The following PAK2 variants were observed in gnomAD, a reference collection of about 807,000 sequenced individuals.
PAK2 encodes the protein serine/threonine-protein kinase PAK 2.
In PAK2, 21 loss-of-function variants were observed where a neutral mutation model predicts 65.9. The observed-to-expected ratio is 0.32, with a 90% CI of 0.23 to 0.46. The LOEUF is 0.46. Ranked by LOEUF, PAK2 falls within the 20% of genes least tolerant of loss-of-function variation. PAK2 has a pLI of 1.00. For synonymous variants in PAK2, 204 were observed against 219.7 expected (o/e 0.93, Z 0.63); for missense variants, 324 against 642.6 (o/e 0.50, Z 5.36).
chr3:196,760,693 C>G (rs1292968456), intron 1 of PAK2, among the ~76,000 whole-genome samples: 1 of 152,140 alleles, frequency 6.6e-6, no homozygotes, highest in Admixed American at 6.5e-5. Context: ...CATTCTTATG[C>G]TATCCAAATT....
chr3:196,791,882 G>A lies in PAK2; in HGVS notation c.187+9049G>A, dbSNP rs577256237. Among the ~76,000 whole-genome samples the A allele has an allele frequency of 8.6e-5, 13 of 150,344 alleles. No homozygotes were observed. Among genetic ancestry groups the A allele is most frequent in the African/African-American group, 3.2e-4 (13 of 40,870 alleles). On this transcript the variant is annotated intron_variant, in intron 2 of 14. Transcript: ENST00000327134. This position sits in a 1 kb window ranked among gnomAD's most constrained non-coding sequence, Gnocchi z 4.0. ...GAGCTTGCAGTGGAGCTGTGATCGC[G>A]CCACCGCACTCCAACCTGGGCGACA...
Position 196,772,342 on chromosome 3 carries a change from A to G in PAK2, c.-21-10284A>G, listed in dbSNP as rs560802710. 3.9e-5 allele frequency among the ~76,000 whole-genome samples: 6 copies of G among 152,290 alleles called. No individual in the cohort carries two copies. The East Asian group carries it at 1.2e-3, about 29-fold the overall frequency. Reference sequence around the variant, plus strand: ...TCTGGGGTTTAGTCAGAATCCCTCGAGAATAAGTAGATTAGTAAATTGCTT... The same window carrying G: ...TCTGGGGTTTAGTCAGAATCCCTCGGGAATAAGTAGATTAGTAAATTGCTT... On this transcript the variant is annotated intron_variant, in intron 1 of 14. Coordinates refer to ENST00000327134, the MANE Select transcript of PAK2 (RefSeq NM_002577.4).
chr3:196,824,961 C>G (rs2108776302), intron 13 of PAK2, among the ~76,000 whole-genome samples: 1 of 152,244 alleles, frequency 6.6e-6, no homozygotes. Context: ...AATAATAAAA[C>G]TCCACATTGG....
intron 10 of PAK2, among the ~76,000 whole-genome samples, chr3:196,813,225 AT>A (rs949077233): frequency 1.2e-4 from 19 of 152,270 alleles, no homozygotes; most frequent in African/African-American, 4.6e-4. Flanking sequence ...TCATGGACAA[AT>A]TTATATGTCT....
At chr3:196,773,716 A>G (rs1014928242) in intron 1 of PAK2, among the ~76,000 whole-genome samples, 5 of 152,086 alleles carry the variant, frequency 3.3e-5, no homozygotes, top group African/African-American at 9.7e-5. Context: ...TCTCTACTCA[A>G]AAATACAAAA....
Position 196,804,806 on chromosome 3 carries a change from GATAT to G in PAK2, c.437-530_437-527del, listed in dbSNP as rs371990910. On this transcript the variant is annotated intron_variant, in intron 4 of 14. Coordinates refer to ENST00000327134, the MANE Select transcript of PAK2 (RefSeq NM_002577.4). Reference sequence around the variant, plus strand: ...ATATGTGATATGTGTGTGTGTGTGTGATATATATATATATATATACACATATATA... The same window carrying G: ...ATATGTGATATGTGTGTGTGTGTGTGATATATATATATATACACATATATA... Among the ~76,000 whole-genome samples the G allele has an allele frequency of 5.7e-3, 805 of 142,302 alleles. 6 individuals are homozygous for G. Among genetic ancestry groups the G allele is most frequent in the African/African-American group, 0.018 (689 of 38,224 alleles). The allele number at this position is 142,302 out of a possible 152,430, so 93.4% of individuals were successfully genotyped here. A position where few individuals can be genotyped will look rare whatever the true frequency, so the allele number is the denominator to read the frequency against.
chr3:196,803,826 T>TA (rs1560109914), intron 4 of PAK2, among the ~76,000 whole-genome samples: 1 of 152,214 alleles, frequency 6.6e-6, no homozygotes, highest in African/African-American at 2.4e-5. Flanking sequence ...GTATCTGAGA[T>TA]ATACCGTTAA....
chr3:196,821,565 C>T (rs1307890304), intron 13 of PAK2, among the ~76,000 whole-genome samples: 1 of 151,520 alleles, frequency 6.6e-6, no homozygotes, highest in Non-Finnish European at 1.5e-5. Flanking sequence ...TGCCTGTAAT[C>T]CCAGCTACGT....
chr3:196,824,875 G>A (rs886460258), intron 13 of PAK2, among the ~76,000 whole-genome samples: 2 of 151,670 alleles, frequency 1.3e-5, no homozygotes, highest in Non-Finnish European at 2.9e-5. Flanking sequence ...AATGTAAACT[G>A]AGGGCTTTAA....
At chr3:196,768,246 AATC>A (rs1420359432) in intron 1 of PAK2, among the ~76,000 whole-genome samples, 1 of 151,892 alleles carries the variant, frequency 6.6e-6, no homozygotes, top group African/African-American at 2.4e-5. Flanking sequence ...TTTCATTCCT[AATC>A]ATGTTTATTT....
chr3:196,765,235 C>T (rs1577706458), intron 1 of PAK2, among the ~76,000 whole-genome samples: 1 of 149,886 alleles, frequency 6.7e-6, no homozygotes. Context: ...GCAACCTTTG[C>T]CTCCCGAGTT....
rs1715052637 is a variant in PAK2 at position 196,791,010 on chromosome 3, T to G, written c.187+8177T>G. 6.6e-6 allele frequency among the ~76,000 whole-genome samples: 1 copy of G among 152,228 alleles called. No individual in the cohort carries two copies. The highest frequency in any genetic ancestry group is 2.4e-5 in the African/African-American group (1 of 41,450). ...TACCTTCAGCCAAACTTTGAAGCTA[T>G]GCAAAACTCCCCGGCCTTCCAAGCA... On this transcript the variant is annotated intron_variant, in intron 2 of 14. Coordinates refer to ENST00000327134, the MANE Select transcript of PAK2 (RefSeq NM_002577.4). The surrounding 1 kb of genome is among the most constrained non-coding windows in gnomAD (Gnocchi z 4.0).
Position 196,827,301 on chromosome 3 carries a change from G to C in PAK2, c.1456G>C (p.Glu486Gln), listed in dbSNP as rs1479192228. The change falls in exon 14 of 15, where the codon GAA (glutamate) becomes CAA (glutamine). Residue 486 changes from glutamate (E) to glutamine (Q), a missense_variant. This residue lies in a region of PAK2 where 43 missense variants were observed against 67.6 expected (regional missense o/e 0.64). Coordinates refer to ENST00000327134, the MANE Select transcript of PAK2 (RefSeq NM_002577.4). The part of the protein sequence containing the change: ...FLNRCLEMDV[E>Q]KRGSAKELLQ... ...AAATCGATGTTTGGAAATGGATGTG[G>C]AAAAAAGGGGTTCAGCCAAAGAATT... 1 of 1,609,468 alleles carries C rather than the reference G, an allele frequency of 6.2e-7. No homozygotes were observed. The highest frequency in any genetic ancestry group is 1.7e-5 in the Admixed American group (1 of 58,928).
chr3:196,792,787 C>G (rs1292154356), intron 2 of PAK2, among the ~76,000 whole-genome samples: 1 of 150,236 alleles, frequency 6.7e-6, no homozygotes, highest in Non-Finnish European at 1.5e-5. Context: ...CAAGACCCAA[C>G]TAAAATGACA....
chr3:196,812,890 A>G lies in PAK2; in HGVS notation c.935+39A>G, dbSNP rs764263013. The G allele has an allele frequency of 1.8e-5, 16 of 889,538 alleles. 1 individual carries two copies. The South Asian group carries it at 2.2e-4, about 12-fold the overall frequency. 55.1% of individuals were successfully genotyped at this position (889,538 alleles called of 1,614,324 possible). A position where few individuals can be genotyped will look rare whatever the true frequency, so the allele number is the denominator to read the frequency against. On this transcript the variant is annotated intron_variant, in intron 10 of 14. Coordinates refer to ENST00000327134, the MANE Select transcript of PAK2 (RefSeq NM_002577.4). ...TTCCTTAAACACCGGGAGAAAATGT[A>G]GAAATTTTAAGTCTCATGGTTTCGG...
In PAK2 at chr3:196,805,994, C is replaced by T. The variant is rs905713655; in HGVS notation, c.469-585C>T. Among the ~76,000 whole-genome samples the T allele has an allele frequency of 1.1e-4, 16 of 151,930 alleles. 1 individual carries two copies. Among genetic ancestry groups the T allele is most frequent in the Admixed American group, 6.6e-4 (10 of 15,228 alleles). ...TGGCGCAATCTTGGCTCACTGCACG[C>T]ACCGTCTTCTGGGTTCACTCCATTC... is the stretch of plus-strand genomic sequence containing the variant. On this transcript the variant is annotated intron_variant, in intron 5 of 14. Transcript: ENST00000327134.
rs1276192235 is a variant in PAK2 at position 196,831,461 on chromosome 3, GAC to G, written c.*3059_*3060del. On this transcript the variant is annotated 3_prime_UTR_variant, in exon 15 of 15. Coordinates refer to ENST00000327134, the MANE Select transcript of PAK2 (RefSeq NM_002577.4). ...GTAAACGAGTAATTGTGAAGCATAA[GAC>G]ACTGAGGCTAATACAACTCTGTCTT... 1 of 152,076 alleles carries G rather than the reference GAC, an allele frequency of 6.6e-6. No individual in the cohort carries two copies. The highest frequency in any genetic ancestry group is 2.4e-5 in the African/African-American group (1 of 41,418). The allele number at this position is 152,076 out of a possible 1,614,324, so 9.4% of individuals were successfully genotyped here. A position where few individuals can be genotyped will look rare whatever the true frequency, so the allele number is the denominator to read the frequency against.
chr3:196,821,012 G>T (rs1006007737), intron 13 of PAK2, among the ~76,000 whole-genome samples: 1 of 152,006 alleles, frequency 6.6e-6, no homozygotes, highest in Non-Finnish European at 1.5e-5. Context: ...GCTGATTTTT[G>T]TACTTTTCAT....
chr3:196,808,557 CAAAA>C (rs1208200034), intron 7 of PAK2, among the ~76,000 whole-genome samples: 4 of 56,564 alleles, frequency 7.1e-5, no homozygotes, highest in Admixed American at 1.9e-4. Flanking sequence ...GACTCCATCT[CAAAA>C]AAAAAAAAAA....
Sources: gnomAD v4.1 joint callset for allele counts (sites outside exome capture counted in the v4.1 genomes callset) on GRCh38, gnomAD v4.1.1 for gene constraint, gnomAD v4.1.1 regional missense constraint, Gnocchi (gnomAD v3.1) non-coding constraint, MANE v1.5 for transcripts, NCBI Gene and HGNC (gene_info 2026-07-23, HGNC 2026-07-21) for gene names.